Variants in RABIF observed in about 807,000 individuals in gnomAD.
RABIF encodes guanine nucleotide exchange factor MSS4.
RABIF carries 13 observed loss-of-function variants against 12.3 expected under a neutral mutation model. The observed-to-expected ratio is 1.06, with a 90% CI of 0.69 to 1.68. The LOEUF (loss-of-function observed/expected upper bound fraction) is 1.68. RABIF is among the 40% of genes most tolerant of loss of function. The pLI is 0.00. For missense variants in RABIF, 153 were observed against 158.0 expected (o/e 0.97, Z 0.17); for synonymous variants, 70 against 63.3 (o/e 1.11, Z -0.50).
Position 202,880,965 on chromosome 1 carries a change from C to G in RABIF, c.*13G>C, listed in dbSNP as rs879098224. On this transcript the variant is annotated 3_prime_UTR_variant, in exon 2 of 2. Coordinates refer to ENST00000367262, the MANE Select transcript of RABIF (RefSeq NM_002871.5). ...TTATCTTTGGAGATGGAGCTGAGTA[C>G]CCCTCCCCTCAGTTACTCATGGGAA... 1 of 1,611,900 alleles carries G rather than the reference C, an allele frequency of 6.2e-7. No homozygotes were observed. The highest frequency in any genetic ancestry group is 1.3e-5 in the African/African-American group (1 of 74,972).
chr1:202,885,706 A>T (rs75995055), intron 1 of RABIF, among the ~76,000 whole-genome samples: 3 of 152,252 alleles, frequency 2.0e-5, no homozygotes, highest in Non-Finnish European at 4.4e-5. Flanking sequence ...GAAAGGACTA[A>T]TAAATAACTG....
chr1:202,883,783 C>T (rs557522323), intron 1 of RABIF, among the ~76,000 whole-genome samples: 11 of 152,284 alleles, frequency 7.2e-5, no homozygotes, highest in African/African-American at 1.7e-4. Flanking sequence ...CCATAATTAA[C>T]GGTCCATTCA....
chr1:202,886,616 G>A (rs1659566134), intron 1 of RABIF, among the ~76,000 whole-genome samples: 1 of 152,068 alleles, frequency 6.6e-6, no homozygotes, highest in Non-Finnish European at 1.5e-5. Flanking sequence ...AAAGATCCTG[G>A]CCAGGCACGG....
chr1:202,880,979 T>C lies in RABIF; in HGVS notation c.371A>G (p.Ter124=). 1 of 1,613,818 alleles carries C rather than the reference T, an allele frequency of 6.2e-7. No individual in the cohort carries two copies. Among genetic ancestry groups the C allele is most frequent in the Non-Finnish European group, 8.5e-7 (1 of 1,179,750 alleles). The change falls in exon 2 of 2, where the codon TAA becomes TGA. Residue 124 remains the stop codon, a stop_retained_variant. Transcript: ENST00000367262. ...YVALERVSHE[*] ...GGAGCTGAGTACCCCTCCCCTCAGT[T>C]ACTCATGGGAAACTCGTTCCAAGGC...
In RABIF at chr1:202,881,183, T is replaced by G. The variant is rs748721935; in HGVS notation, c.167A>C (p.Asp56Ala). ...PSMRKKPALSDGSNPDGDLLQ... is the reference protein window; with the variant it reads ...PSMRKKPALSAGSNPDGDLLQ... ...GAGATCGCCGTCAGGATTGCTGCCGTCAGACAGAGCTGGCTTCTTTCTCAT... is the reference window on the plus strand; with the variant it reads ...GAGATCGCCGTCAGGATTGCTGCCGGCAGACAGAGCTGGCTTCTTTCTCAT... The change falls in exon 2 of 2, where the codon GAC (aspartate) becomes GCC (alanine). Residue 56 changes from aspartate to alanine, a missense_variant. Coordinates refer to ENST00000367262, the MANE Select transcript of RABIF (RefSeq NM_002871.5). 1 of 1,613,972 alleles carries G rather than the reference T, an allele frequency of 6.2e-7. No individual in the cohort carries two copies. Among genetic ancestry groups the G allele is most frequent in the Non-Finnish European group, 8.5e-7 (1 of 1,180,008 alleles).
At chr1:202,885,453 G>T (rs1264071692) in intron 1 of RABIF, among the ~76,000 whole-genome samples, 1 of 152,244 alleles carries the variant, frequency 6.6e-6, no homozygotes, top group Admixed American at 6.5e-5. Flanking sequence ...ACACCTTTCT[G>T]CAGGCTTAAC....
rs757745953 is a variant in RABIF, at chr1:202,889,038, C to T, written c.61G>A (p.Val21Met). 10 of 1,609,984 alleles carry T rather than the reference C, an allele frequency of 6.2e-6. No homozygotes were observed. The highest frequency in any genetic ancestry group is 5.9e-6 in the Non-Finnish European group (7 of 1,178,650). Residue 21 changes from valine (V) to methionine (M), a missense_variant, in exon 1 of 2, where the codon GTG (valine) becomes ATG (methionine). Val to Met is a conservative substitution (Grantham distance 21). Transcript: ENST00000367262. The part of the protein sequence containing the change: ...VSAEGRNRKA[V>M]LCQRCGSRVL... ...CGGGAGCCGCAACGCTGGCACAGCA[C>T]CGCCTTCCGGTTTCGGCCCTCGGCT...
chr1:202,884,859 C>T lies in RABIF; in HGVS notation c.127-3636G>A, dbSNP rs565861202. Among the ~76,000 whole-genome samples the T allele has an allele frequency of 8.6e-5, 13 of 151,914 alleles. No homozygotes were observed. In the South Asian group the frequency reaches 1.9e-3, roughly 22 times the overall value. On this transcript the variant is annotated intron_variant, in intron 1 of 1. Transcript: ENST00000367262. ...CAGCACTTTGGGAGGCTGAGGTGGCCGGATCACCTGAGGTCAGGAGTTCAA... is the reference window on the plus strand; with the variant it reads ...CAGCACTTTGGGAGGCTGAGGTGGCTGGATCACCTGAGGTCAGGAGTTCAA...
chr1:202,880,621 C>G lies in RABIF; in HGVS notation c.*357G>C, dbSNP rs750744465. On this transcript the variant is annotated 3_prime_UTR_variant, in exon 2 of 2. Transcript: ENST00000367262. ...CATCTTTTGTTATGTGTCATCATAG[C>G]TAAAAGGTTGAATACTGCTCTTCTA... 30 of 877,912 alleles carry G rather than the reference C, an allele frequency of 3.4e-5. No homozygotes were observed. Among genetic ancestry groups the G allele is most frequent in the Non-Finnish European group, 4.2e-5 (30 of 722,850 alleles). The allele number at this position is 877,912 out of a possible 1,614,324, so 54.4% of individuals were successfully genotyped here.
At chr1:202,888,819 G>T (rs569949202) in intron 1 of RABIF, among the ~76,000 whole-genome samples, 154 bp downstream of exon 1, 2 of 152,248 alleles carry the variant, frequency 1.3e-5, no homozygotes, top group Admixed American at 6.5e-5. Flanking sequence ...CCCAGGGGCG[G>T]AGCCTCGCCG....
chr1:202,881,023 G>A lies in RABIF; in HGVS notation c.327C>T (p.Asp109=), dbSNP rs1300958738. 1.9e-6 allele frequency: 3 copies of A among 1,613,988 alleles called. No homozygotes were observed. Among genetic ancestry groups the A allele is most frequent in the Non-Finnish European group, 2.5e-6 (3 of 1,180,010 alleles). The stretch of plus-strand genomic sequence containing the variant: ...CCAAGGCCACATAGAAACTGTTCTT[G>A]TCATCTAGGCAATGCCAGCCAATTG... The part of the protein sequence containing the change: ...IGPIGWHCLD[D]KNSFYVALER... The change falls in exon 2 of 2, where the codon GAC becomes GAT. Residue 109 remains aspartate, a synonymous_variant. Transcript: ENST00000367262.
At position 202,881,075 on chromosome 1, in the gene RABIF, A is replaced by G; in HGVS notation, c.275T>C (p.Leu92Pro). The G allele has an allele frequency of 1.2e-6, 2 of 1,614,214 alleles. No individual in the cohort carries two copies. The highest frequency in any genetic ancestry group is 1.7e-6 in the Non-Finnish European group (2 of 1,180,032). The change falls in exon 2 of 2, where the codon CTG becomes CCG. Residue 92 changes from leucine (L) to proline (P), a missense_variant. Physicochemically the swap from Leu to Pro is moderately conservative, Grantham distance 98 (BLOSUM62 -3). This residue lies in a region of RABIF where 40 missense variants were observed against 67.1 expected (regional missense o/e 0.60). Coordinates refer to ENST00000367262, the MANE Select transcript of RABIF (RefSeq NM_002871.5). ...FTKDVGNIKF[L>P]VCADCEIGPI... is the part of the protein sequence containing the mutation. ...TCCAATTTCACAGTCTGCGCAGACC[A>G]GAAACTTGATGTTGCCCACGTCCTT...
chr1:202,887,934 T>C (rs1307256628), intron 1 of RABIF, among the ~76,000 whole-genome samples: 1 of 152,238 alleles, frequency 6.6e-6, no homozygotes, highest in Non-Finnish European at 1.5e-5. Context: ...ACTCTACTCC[T>C]AAACCTTGAA....
intron 1 of RABIF, among the ~76,000 whole-genome samples, chr1:202,886,647 A>G (rs2102397828): frequency 6.6e-6 from 1 of 152,254 alleles, no homozygotes; most frequent in Non-Finnish European, 1.5e-5. Context: ...CTGTAATCCC[A>G]CCACTTTGGG....
intron 1 of RABIF, among the ~76,000 whole-genome samples, chr1:202,887,047 TA>T (rs1557980099): frequency 4.2e-4 from 57 of 135,178 alleles, no homozygotes; most frequent in Middle Eastern, 3.6e-3. Context: ...TTTTTTTTTT[TA>T]AAGAAAAAAC....
At chr1:202,884,751 TC>T (rs1205783756) in intron 1 of RABIF, among the ~76,000 whole-genome samples, 1 of 152,044 alleles carries the variant, frequency 6.6e-6, no homozygotes, top group Non-Finnish European at 1.5e-5. Context: ...GAGAACTGCC[TC>T]GCTAAACCCA....
At chr1:202,885,652 T>G (rs73089378) in intron 1 of RABIF, among the ~76,000 whole-genome samples, 1,601 of 152,372 alleles carry the variant, frequency 0.011, 34 homozygotes, top group African/African-American at 0.037. Flanking sequence ...TCTCTAAGGA[T>G]GGAACTGTTT....
chr1:202,885,937 C>A (rs550848422), intron 1 of RABIF, among the ~76,000 whole-genome samples: 6 of 149,796 alleles, frequency 4.0e-5, no homozygotes, highest in African/African-American at 1.5e-4. Context: ...TCCAGAAATA[C>A]TGAAGCCATT....
chr1:202,885,449 T>C (rs572933433), intron 1 of RABIF, among the ~76,000 whole-genome samples: 2 of 152,328 alleles, frequency 1.3e-5, no homozygotes, highest in African/African-American at 4.8e-5. Context: ...CCTTACACCT[T>C]TCTGCAGGCT....
Sources: allele counts gnomAD v4.1 joint callset (sites outside exome capture counted in the v4.1 genomes callset), GRCh38; gene constraint gnomAD v4.1.1; regional missense constraint gnomAD v4.1.1; transcripts MANE v1.5; gene names NCBI Gene and HGNC (gene_info 2026-07-23, HGNC 2026-07-21).